The following SPTBN4 variants were observed in gnomAD, a reference collection of about 807,000 sequenced individuals.
SPTBN4 encodes the protein spectrin beta chain, non-erythrocytic 4.
In SPTBN4, 96 loss-of-function variants were observed where a neutral mutation model predicts 277.8. The observed-to-expected ratio is 0.35, with a 90% CI of 0.29 to 0.41. The LOEUF is 0.41. Among genes scored for constraint, SPTBN4 ranks in the 10% least tolerant of loss-of-function variants. SPTBN4 has a pLI of 1.00. For synonymous variants in SPTBN4, 1,481 were observed against 1,580.3 expected (o/e 0.94, Z 1.49); for missense variants, 3,006 against 3,595.7 (o/e 0.84, Z 4.19).
chr19:40,567,836 C>T lies in SPTBN4; in HGVS notation c.6510C>T (p.Ala2170=). ...LARRASDTLS[A]EVRTRVGYVR... ...GCCGAGCCTCGGACACGCTCTCGGC[C>T]GAGGTGCGGACTCGGGTGGGGTATG... The change falls in exon 31 of 36, where the codon GCC becomes GCT. Residue 2170 remains alanine, a synonymous_variant. Transcript: ENST00000598249. 1.3e-6 allele frequency: 2 copies of T among 1,522,566 alleles called. No individual in the cohort carries two copies. The highest frequency in any genetic ancestry group is 1.2e-5 in the South Asian group (1 of 82,102). The allele number at this position is 1,522,566 out of a possible 1,614,324, so 94.3% of individuals were successfully genotyped here.
At position 40,567,835 on chromosome 19, in the gene SPTBN4, C is replaced by A. The variant is rs1335560846; in HGVS notation, c.6509C>A (p.Ala2170Asp). Residue 2170 changes from alanine (A) to aspartate (D), a missense_variant, in exon 31 of 36, where the codon GCC (alanine) becomes GAC (aspartate). Around this residue, in one of 5 missense-constraint regions of SPTBN4, gnomAD observed 630 missense variants for 677.6 expected, o/e 0.93. Coordinates refer to ENST00000598249, the MANE Select transcript of SPTBN4 (RefSeq NM_020971.3). ...CGCCGAGCCTCGGACACGCTCTCGG[C>A]CGAGGTGCGGACTCGGGTGGGGTAT... is the stretch of plus-strand genomic sequence containing the variant. ...LARRASDTLS[A>D]EVRTRVGYVR... 6.6e-7 allele frequency: 1 copy of A among 1,522,582 alleles called. No individual in the cohort carries two copies. Among genetic ancestry groups the A allele is most frequent in the Admixed American group, 2.1e-5 (1 of 47,998 alleles). 94.3% of individuals were successfully genotyped at this position (1,522,582 alleles called of 1,614,324 possible). A position where few individuals can be genotyped will look rare whatever the true frequency, so the allele number is the denominator to read the frequency against.
At position 40,575,454 on chromosome 19, in the gene SPTBN4, C is replaced by A; in HGVS notation, c.7580C>A (p.Ala2527Glu). The A allele has an allele frequency of 4.3e-6, 7 of 1,613,130 alleles. No homozygotes were observed. Among genetic ancestry groups the A allele is most frequent in the Non-Finnish European group, 5.9e-6 (7 of 1,179,788 alleles). Reference protein sequence around the residue: ...GWLEAVASSVAEHAEIARWGQ... With the variant: ...GWLEAVASSVEEHAEIARWGQ... The stretch of plus-strand genomic sequence containing the variant: ...CTGGAGGCTGTAGCTTCCTCGGTGG[C>A]GGAACACGCAGAGATCGCCCGCTGG... The change falls in exon 36 of 36, where the codon GCG becomes GAG. Residue 2527 changes from alanine (A) to glutamate (E), a missense_variant. Physicochemically the swap from Ala to Glu is moderately radical, Grantham distance 107. Coordinates refer to ENST00000598249, the MANE Select transcript of SPTBN4 (RefSeq NM_020971.3).
chr19:40,542,185 G>A (rs571950949), intron 20 of SPTBN4, among the ~76,000 whole-genome samples: 1 of 152,138 alleles, frequency 6.6e-6, no homozygotes, highest in Non-Finnish European at 1.5e-5. Context: ...GCCTCCCAAA[G>A]TTCTGGGATT....
At chr19:40,570,830 C>A in intron 33 of SPTBN4, 102 bp downstream of exon 33, 1 of 1,303,644 alleles carries the variant, frequency 7.7e-7, no homozygotes, top group Non-Finnish European at 1.0e-6. Context: ...ACTTCAGGCC[C>A]TCCAGCAGGT....
chr19:40,569,979 C>G (rs1013012748), intron 32 of SPTBN4, among the ~76,000 whole-genome samples: 7 of 146,424 alleles, frequency 4.8e-5, no homozygotes, highest in Admixed American at 1.4e-4. Context: ...CACACAGACA[C>G]ACACACACAG....
Position 40,519,493 on chromosome 19 carries a change from T to C in SPTBN4, c.2996T>C (p.Val999Ala). 2 of 1,609,418 alleles carry C rather than the reference T, an allele frequency of 1.2e-6. No homozygotes were observed. The highest frequency in any genetic ancestry group is 1.1e-5 in the South Asian group (1 of 90,512). The change falls in exon 16 of 36, where the codon GTG becomes GCG. Residue 999 changes from valine (V) to alanine (A), a missense_variant. By Grantham distance (64) the Val-to-Ala change is moderately conservative (BLOSUM62 0). Coordinates refer to ENST00000598249, the MANE Select transcript of SPTBN4 (RefSeq NM_020971.3). This position sits in a 1 kb window ranked among gnomAD's most constrained non-coding sequence, Gnocchi z 5.7. ...AACCACGTGCTGGAGGTGGCCGAGG[T>C]GCGCGCCCAGGTGCGTGAGAAGCGG... ...VENHVLEVAE[V>A]RAQVREKRRA...
chr19:40,508,522 A>G (rs2080355087), intron 13 of SPTBN4, among the ~76,000 whole-genome samples: 1 of 152,174 alleles, frequency 6.6e-6, no homozygotes, highest in Admixed American at 6.5e-5. Flanking sequence ...CCCCATCCCT[A>G]CTAAAAATAC....
chr19:40,554,054 C>G lies in SPTBN4; in HGVS notation c.4675-93C>G. ...GAGCTGGGGGTGCTTGTTAATTGCC[C>G]CGTGGGCCGTGCCAGTAGCAGAGGA... On this transcript the variant is annotated intron_variant, in intron 22 of 35. Coordinates refer to ENST00000598249, the MANE Select transcript of SPTBN4 (RefSeq NM_020971.3). This position sits in a 1 kb window ranked among gnomAD's most constrained non-coding sequence, Gnocchi z 5.7. The G allele has an allele frequency of 7.9e-7, 1 of 1,273,096 alleles. No individual in the cohort carries two copies. Among genetic ancestry groups the G allele is most frequent in the Non-Finnish European group, 1.0e-6 (1 of 981,016 alleles). 78.9% of individuals were successfully genotyped at this position (1,273,096 alleles called of 1,614,324 possible).
intron 34 of SPTBN4, 65 bp from the exon 35 acceptor site, chr19:40,572,273 A>T (rs1304012338): frequency 1.2e-6 from 2 of 1,607,568 alleles, no homozygotes; most frequent in Non-Finnish European, 1.7e-6. Context: ...CCTGGGGGAC[A>T]CTTGGTGGGC....
rs757819201 is a variant in SPTBN4, at chr19:40,532,709, C to T, written c.4033C>T (p.Arg1345Trp). The T allele has an allele frequency of 1.3e-4, 216 of 1,613,332 alleles. No individual in the cohort carries two copies. The highest frequency in any genetic ancestry group is 1.1e-3 in the South Asian group (97 of 91,036). The change falls in exon 19 of 36, where the codon CGG becomes TGG. Residue 1345 changes from arginine to tryptophan, a missense_variant. Transcript: ENST00000598249. The part of the protein sequence containing the change: ...DNHKLHKRWL[R>W]HQAFMAELAQ... ...CCACAAGCTGCATAAGAGATGGCTC[C>T]GGCACCAGGCATTCATGGCCGAGCT... is the stretch of plus-strand genomic sequence containing the variant.
In SPTBN4 at chr19:40,566,476, C is replaced by A. The variant is rs1038081320; in HGVS notation, c.6336+117C>A. ...TGCTTGGTCCTGTGTTGTGTGAGTG[C>A]CAAGACAGACTCTTGCTAGGCTCCC... On this transcript the variant is annotated intron_variant, in intron 30 of 35. Transcript: ENST00000598249. The A allele has an allele frequency of 6.4e-5, 60 of 933,746 alleles. 1 individual carries two copies. Among genetic ancestry groups the A allele is most frequent in the Middle Eastern group, 3.5e-4 (1 of 2,822 alleles). The allele number at this position is 933,746 out of a possible 1,614,324, so 57.8% of individuals were successfully genotyped here. A position where few individuals can be genotyped will look rare whatever the true frequency, so the allele number is the denominator to read the frequency against.
rs199711291 is a variant in SPTBN4, at chr19:40,557,007, C to T, written c.5290-16C>T. The T allele has an allele frequency of 7.2e-6, 11 of 1,522,586 alleles. No individual in the cohort carries two copies. In the East Asian group the frequency reaches 9.3e-5, roughly 13 times the overall value. The allele number at this position is 1,522,586 out of a possible 1,614,324, so 94.3% of individuals were successfully genotyped here. A position where few individuals can be genotyped will look rare whatever the true frequency, so the allele number is the denominator to read the frequency against. Reference sequence around the variant, plus strand: ...GCTCACTTTGCTGTACCCCCCCCCCCACTTCCTGATGGCAGGTGCTGCAGG... The same window carrying T: ...GCTCACTTTGCTGTACCCCCCCCCCTACTTCCTGATGGCAGGTGCTGCAGG... On this transcript the variant is annotated splice_polypyrimidine_tract_variant and intron_variant, in intron 25 of 35. Coordinates refer to ENST00000598249, the MANE Select transcript of SPTBN4 (RefSeq NM_020971.3).
chr19:40,557,502 C>T, intron 26 of SPTBN4, 99 bp downstream of exon 26: 2 of 1,402,932 alleles, frequency 1.4e-6, no homozygotes, highest in East Asian at 2.4e-5. Context: ...CGAAATTAGG[C>T]AGTGGCACAG....
Position 40,501,423 on chromosome 19 carries a change from C to A in SPTBN4, c.785-498C>A, listed in dbSNP as rs376998499. Reference sequence around the variant, plus strand: ...GTGGCTCACATCTGTAATCCCAGCACTTTGGGAGGCCGAGGTGGGCGGATC... The same window carrying A: ...GTGGCTCACATCTGTAATCCCAGCAATTTGGGAGGCCGAGGTGGGCGGATC... On this transcript the variant is annotated intron_variant, in intron 7 of 35. Coordinates refer to ENST00000598249, the MANE Select transcript of SPTBN4 (RefSeq NM_020971.3). Among the ~76,000 whole-genome samples, 11 of 152,094 alleles carry A rather than the reference C, an allele frequency of 7.2e-5. No individual in the cohort carries two copies. In the East Asian group the frequency reaches 1.2e-3, roughly 16 times the overall value.
At chr19:40,535,791 GC>G (rs1238781879) in intron 20 of SPTBN4, among the ~76,000 whole-genome samples, 1 of 151,890 alleles carries the variant, frequency 6.6e-6, no homozygotes, top group African/African-American at 2.4e-5. Context: ...AAAAAAATTA[GC>G]TGGGCATGGT....
At chr19:40,529,986 A>C (rs1484209817) in intron 18 of SPTBN4, among the ~76,000 whole-genome samples, 2 of 152,128 alleles carry the variant, frequency 1.3e-5, no homozygotes, top group Non-Finnish European at 2.9e-5. Context: ...CACACGGAAT[A>C]AACAAGGGCC....
In SPTBN4 at chr19:40,557,392, C is replaced by G; in HGVS notation, c.5659C>G (p.Leu1887Val). The change falls in exon 26 of 36, where the codon CTC (leucine) becomes GTC (valine). Residue 1887 changes from leucine (L) to valine (V), a missense_variant. Physicochemically the swap from Leu to Val is conservative, Grantham distance 32. Transcript: ENST00000598249. ...LRAFEHDLQL[L>V]VSQVRQLQEG... ...AGCCTTTGAGCATGACCTGCAGCTC[C>G]TCGTGTCCCAGGTGGGGCGCCGGTG... 1 of 1,566,206 alleles carries G rather than the reference C, an allele frequency of 6.4e-7. No homozygotes were observed. The highest frequency in any genetic ancestry group is 1.4e-5 in the African/African-American group (1 of 73,772).
At chr19:40,527,134 T>C (rs1021958080) in intron 17 of SPTBN4, among the ~76,000 whole-genome samples, 4 of 152,148 alleles carry the variant, frequency 2.6e-5, no homozygotes, top group Non-Finnish European at 5.9e-5. Flanking sequence ...ATACACTCTG[T>C]CTCTTTGCTT....
chr19:40,520,198 C>CG, intron 16 of SPTBN4, 47 bp downstream of exon 16: 1 of 1,097,568 alleles, frequency 9.1e-7, no homozygotes, highest in Non-Finnish European at 1.1e-6. Flanking sequence ...TCCGAGGCCG[C>CG]GGGGGGATTG....
Sources: allele counts gnomAD v4.1 joint callset (sites outside exome capture counted in the v4.1 genomes callset), GRCh38; gene constraint gnomAD v4.1.1; regional missense constraint gnomAD v4.1.1; non-coding constraint Gnocchi (gnomAD v3.1); transcripts MANE v1.5; gene names NCBI Gene and HGNC (gene_info 2026-07-23, HGNC 2026-07-21).